CANX: variants seen among roughly 807,000 people sequenced by gnomAD.
The protein encoded by CANX is calnexin.
A neutral mutation model predicts 75.7 loss-of-function variants in CANX; 14 were observed. The observed-to-expected ratio is 0.19, with a 90% confidence interval of 0.12 to 0.29. CANX has a LOEUF of 0.29. Among genes scored for constraint, CANX ranks in the 10% least tolerant of loss-of-function variants. CANX has a pLI of 1.00. For synonymous variants in CANX, 227 were observed against 236.9 expected (o/e 0.96, Z 0.38); for missense variants, 567 against 713.2 (o/e 0.79, Z 2.34).
At position 179,729,607 on chromosome 5, in the gene CANX, T is replaced by C. The variant is rs938634536; in HGVS notation, c.*963T>C. On this transcript the variant is annotated 3_prime_UTR_variant, in exon 15 of 15. Transcript: ENST00000247461. ...GCAGCTTGCAGTCCGTTGCTGAAAA[T>C]GATTATAAGCCCTGCATAATGTTAA... 4.6e-5 allele frequency: 7 copies of C among 152,728 alleles called. No homozygotes were observed. In the South Asian group the frequency reaches 1.4e-3, roughly 32 times the overall value. 9.5% of individuals were successfully genotyped at this position (152,728 alleles called of 1,614,324 possible). A position where few individuals can be genotyped will look rare whatever the true frequency, so the allele number is the denominator to read the frequency against.
At chr5:179,696,230 G>GAA (rs1364209887), upstream of CANX, among the ~76,000 whole-genome samples, 3 of 139,678 alleles carry the variant, frequency 2.1e-5, no homozygotes, top group African/African-American at 5.3e-5. Context: ...ATTCTTTGTT[G>GAA]AAAAAATCAT....
Position 179,679,186 on chromosome 5 carries a change from G to A in CANX, c.-4+409G>A, listed in dbSNP as rs559067540. The stretch of plus-strand genomic sequence containing the variant: ...CGCAGGTGCTCGAAGGGGAGCCTCG[G>A]GAGCGCTGGCGACTCGTGCTGCGCT... On this transcript the variant is annotated intron_variant, in intron 1 of 14. Transcript: ENST00000681674. 2,425 of 1,535,030 alleles carry A rather than the reference G, an allele frequency of 1.6e-3. 4 individuals are homozygous for A. Among genetic ancestry groups the A allele is most frequent in the Non-Finnish European group, 2.0e-3 (2,257 of 1,146,820 alleles).
chr5:179,698,556 C>T (rs1776493088), upstream of CANX: 1 of 1,289,300 alleles, frequency 7.8e-7, no homozygotes, highest in Non-Finnish European at 1.0e-6. Flanking sequence ...GCCCCGTCAG[C>T]GAAGGGCGCG....
intron 1 of CANX, among the ~76,000 whole-genome samples, chr5:179,682,523 C>T (rs546246708): frequency 7.2e-5 from 11 of 151,774 alleles, no homozygotes; most frequent in Admixed American, 1.3e-4. Flanking sequence ...CCAGCGTGAC[C>T]AACATGGAGA....
chr5:179,687,216 C>T (rs920219012), intron 1 of CANX, among the ~76,000 whole-genome samples: 2 of 152,202 alleles, frequency 1.3e-5, no homozygotes, highest in African/African-American at 2.4e-5. Flanking sequence ...CATTCTCCTG[C>T]CCCAGCCTCC....
rs1778989801 is a variant in CANX, at chr5:179,731,483, A to AT, written c.*2839_*2840insT. ...TAAAATTTGTTTGAATGCTAAAAAAAAAAAAGCAGGACTGCATTATGGCAC... is the reference window on the plus strand; with the variant it reads ...TAAAATTTGTTTGAATGCTAAAAAAATAAAAAGCAGGACTGCATTATGGCAC... On this transcript the variant is annotated 3_prime_UTR_variant, in exon 15 of 15. Transcript: ENST00000247461. 1.3e-5 allele frequency among the ~76,000 whole-genome samples: 2 copies of AT among 152,146 alleles called. No individual in the cohort carries two copies. Among genetic ancestry groups the AT allele is most frequent in the African/African-American group, 4.8e-5 (2 of 41,450 alleles).
chr5:179,720,663 T>G (rs1778251124), intron 10 of CANX, 103 bp downstream of exon 10: 1 of 1,025,248 alleles, frequency 9.8e-7, no homozygotes, highest in Non-Finnish European at 1.5e-6. Flanking sequence ...ATATTCAAGC[T>G]GTTGAATTAA....
At chr5:179,700,257 G>C (rs1169359252) in intron 1 of CANX, 2 of 152,162 alleles carry the variant, frequency 1.3e-5, no homozygotes, top group Non-Finnish European at 2.9e-5. Flanking sequence ...GAGAGGACAA[G>C]ATTAACCATA....
intron 9 of CANX, among the ~76,000 whole-genome samples, chr5:179,720,010 T>C (rs971714549): frequency 7.9e-5 from 12 of 152,054 alleles, no homozygotes; most frequent in South Asian, 2.1e-4. Context: ...TTTGTATTTT[T>C]AGTAGAGACG....
intron 4 of CANX, 144 bp from the exon 5 acceptor site, chr5:179,708,094 TC>T: frequency 1.7e-6 from 1 of 599,516 alleles, no homozygotes; most frequent in East Asian, 2.8e-5. Context: ...GCCCTCAGCC[TC>T]CCTAAGTGCT....
intron 10 of CANX, among the ~76,000 whole-genome samples, chr5:179,722,577 A>G (rs1283185658): frequency 1.3e-5 from 2 of 152,242 alleles, no homozygotes; most frequent in South Asian, 2.1e-4. Flanking sequence ...GACCAAGGTC[A>G]TGGGTGACAG....
At chr5:179,700,456 A>G (rs1248770469) in intron 1 of CANX, 1 of 152,206 alleles carries the variant, frequency 6.6e-6, no homozygotes, top group Non-Finnish European at 1.5e-5. Flanking sequence ...TACATTTGGT[A>G]TAATTATACT....
chr5:179,723,819 C>A lies in CANX; in HGVS notation c.1518+40C>A. 1.9e-6 allele frequency: 3 copies of A among 1,540,774 alleles called. No homozygotes were observed. In the East Asian group the frequency reaches 6.8e-5, roughly 35 times the overall value. ...TTTTTAGAATCAATTTTAGAGACAT[C>A]ACTCTAGTGATTATTAAAAATAACT... On this transcript the variant is annotated intron_variant, in intron 12 of 14. Transcript: ENST00000247461.
chr5:179,716,229 G>T lies in CANX; in HGVS notation c.846G>T (p.Arg282=), dbSNP rs1334112848. Residue 282 remains arginine (R), a synonymous_variant, in exon 8 of 15, where the codon CGG becomes CGT. Coordinates refer to ENST00000247461, the MANE Select transcript of CANX (RefSeq NM_001746.4). ...GTGAAATTGAGGACCCAGAAGACCG[G>T]AAGCCCGAGGATTGGGATGAAAGAC... is the stretch of plus-strand genomic sequence containing the variant. ...PSREIEDPED[R]KPEDWDERPK... 2 of 1,614,068 alleles carry T rather than the reference G, an allele frequency of 1.2e-6. No homozygotes were observed. Among genetic ancestry groups the T allele is most frequent in the African/African-American group, 2.7e-5 (2 of 74,938 alleles).
chr5:179,724,074 T>C (rs1211088777), intron 12 of CANX, among the ~76,000 whole-genome samples: 1 of 152,174 alleles, frequency 6.6e-6, no homozygotes, highest in Non-Finnish European at 1.5e-5. Flanking sequence ...GATACCAAAC[T>C]AGCCACTTGG....
chr5:179,694,240 C>T (rs1053468691), upstream of CANX: 2 of 392,530 alleles, frequency 5.1e-6, no homozygotes, highest in Non-Finnish European at 9.4e-6. Context: ...AAGATGTCTG[C>T]TTATGTCTTC....
intron 7 of CANX, among the ~76,000 whole-genome samples, chr5:179,714,796 C>T (rs1318760908): frequency 6.6e-6 from 1 of 152,134 alleles, no homozygotes; most frequent in African/African-American, 2.4e-5. Flanking sequence ...GGATTACAGG[C>T]GTGAGCCACT....
chr5:179,703,559 T>G (rs1444021756), intron 1 of CANX, among the ~76,000 whole-genome samples: 3 of 152,098 alleles, frequency 2.0e-5, no homozygotes, highest in African/African-American at 7.2e-5. Context: ...TACCTTAGCC[T>G]TCTTAGTATC....
intron 12 of CANX, among the ~76,000 whole-genome samples, 183 bp from the exon 13 acceptor site, chr5:179,724,474 C>G (rs963134859): frequency 1.3e-5 from 2 of 152,176 alleles, no homozygotes; most frequent in Admixed American, 1.3e-4. Flanking sequence ...TTGAAACACA[C>G]AAGCACATGT....
Sources: gnomAD v4.1 joint callset for allele counts (sites outside exome capture counted in the v4.1 genomes callset) on GRCh38, gnomAD v4.1.1 for gene constraint, MANE v1.5 for transcripts, NCBI Gene and HGNC (gene_info 2026-07-23, HGNC 2026-07-21) for gene names.